The following PRKCA variants were observed in gnomAD, a reference collection of about 807,000 sequenced individuals.
The protein encoded by PRKCA is protein kinase C alpha type.
Under a neutral mutation model 87.0 loss-of-function variants are expected in PRKCA, and 27 were observed. That is an observed-to-expected ratio of 0.31 (90% CI 0.23 to 0.43). The LOEUF (loss-of-function observed/expected upper bound fraction) is 0.43, where lower values mean the gene tolerates loss of function less well. PRKCA is among the 20% of genes least tolerant of loss of function. PRKCA has a pLI of 1.00. For missense variants in PRKCA, 518 were observed against 852.3 expected (o/e 0.61, Z 4.88); for synonymous variants, 329 against 311.1 (o/e 1.06, Z -0.61).
chr17:66,370,785 A>T (rs2143533388), intron 2 of PRKCA, among the ~76,000 whole-genome samples: 1 of 152,092 alleles, frequency 6.6e-6, no homozygotes. Flanking sequence ...CCTGGACTCA[A>T]GCGATCCACC....
rs867890925 is a variant in PRKCA at position 66,788,905 on chromosome 17, C to T, written c.1780C>T (p.His594Tyr). ...GPEGERDVREHAFFRRIDWEK... is the reference protein window; with the variant it reads ...GPEGERDVREYAFFRRIDWEK... The stretch of plus-strand genomic sequence containing the variant: ...TGAGGGGGAGAGGGACGTGAGAGAG[C>T]ATGCCTTCTTCCGGAGGATCGACTG... Residue 594 changes from histidine (H) to tyrosine (Y), a missense_variant, in exon 16 of 17, where the codon CAT (histidine) becomes TAT (tyrosine). Around this residue, in one of 5 missense-constraint regions of PRKCA, gnomAD observed 159 missense variants for 232.4 expected, o/e 0.68. Transcript: ENST00000413366. 6.2e-7 allele frequency: 1 copy of T among 1,614,100 alleles called. No individual in the cohort carries two copies. The highest frequency in any genetic ancestry group is 8.5e-7 in the Non-Finnish European group (1 of 1,179,988).
At chr17:66,470,293 C>G in intron 2 of PRKCA, among the ~76,000 whole-genome samples, 1 of 143,988 alleles carries the variant, frequency 6.9e-6, no homozygotes, top group South Asian at 2.4e-4. Context: ...GCCACCCCCC[C>G]TCCCCAACCC....
At position 66,735,531 on chromosome 17, in the gene PRKCA, A is replaced by G. The variant is rs1974003651; in HGVS notation, c.1099A>G (p.Ile367Val). Reference protein sequence around the residue: ...DRKGTEELYAIKILKKDVVIQ... With the variant: ...DRKGTEELYAVKILKKDVVIQ... ...GAAGGGCACAGAAGAACTGTATGCA[A>G]TCAAAATCCTGAAGAAGGATGTGGT... Residue 367 changes from isoleucine (I) to valine (V), a missense_variant, in exon 10 of 17, where the codon ATC becomes GTC. Physicochemically the swap from Ile to Val is conservative, Grantham distance 29 (BLOSUM62 3). This residue lies in a region of PRKCA where 300 missense variants were observed against 496.8 expected (regional missense o/e 0.60). Transcript: ENST00000413366. The G allele has an allele frequency of 1.2e-6, 2 of 1,614,166 alleles. No homozygotes were observed. The highest frequency in any genetic ancestry group is 1.7e-6 in the Non-Finnish European group (2 of 1,180,036).
chr17:66,742,772 A>C lies in PRKCA; in HGVS notation c.1524+12A>C. On this transcript the variant is annotated intron_variant, in intron 13 of 16. Coordinates refer to ENST00000413366, the MANE Select transcript of PRKCA (RefSeq NM_002737.3). Reference sequence around the variant, plus strand: ...ATATCGCCCCAGAGGTAGGAACCCCAGTGATCGTTTTCTCAACCAGGACTC... The same window carrying C: ...ATATCGCCCCAGAGGTAGGAACCCCCGTGATCGTTTTCTCAACCAGGACTC... The C allele has an allele frequency of 6.2e-7, 1 of 1,612,188 alleles. No individual in the cohort carries two copies. Among genetic ancestry groups the C allele is most frequent in the Non-Finnish European group, 8.5e-7 (1 of 1,179,632 alleles).
chr17:66,485,309 A>G (rs1915947389), intron 2 of PRKCA, among the ~76,000 whole-genome samples: 1 of 152,210 alleles, frequency 6.6e-6, no homozygotes, highest in African/African-American at 2.4e-5. Context: ...GACAAAAGAA[A>G]TAAAAAGATC....
At chr17:66,632,607 T>C (rs957179541) in intron 3 of PRKCA, among the ~76,000 whole-genome samples, 2 of 152,160 alleles carry the variant, frequency 1.3e-5, no homozygotes, top group East Asian at 1.9e-4. Context: ...CTTGAACTCC[T>C]GAGCTCAAAC....
chr17:66,610,930 C>T (rs570346628), intron 3 of PRKCA, among the ~76,000 whole-genome samples: 30 of 152,156 alleles, frequency 2.0e-4, no homozygotes, highest in African/African-American at 5.3e-4. Flanking sequence ...ATACTAGAAA[C>T]GAGAGTACAA....
chr17:66,536,620 A>T (rs1314960746), intron 3 of PRKCA, among the ~76,000 whole-genome samples: 2 of 152,008 alleles, frequency 1.3e-5, no homozygotes, highest in African/African-American at 2.4e-5. Flanking sequence ...AGAAGGGGGG[A>T]TGCTGCTGTT....
In PRKCA at chr17:66,743,096, C is replaced by T. The variant is rs984373986; in HGVS notation, c.1524+336C>T. On this transcript the variant is annotated intron_variant, in intron 13 of 16. Coordinates refer to ENST00000413366, the MANE Select transcript of PRKCA (RefSeq NM_002737.3). The stretch of plus-strand genomic sequence containing the variant: ...CTGTAATCCCAGCACTTTGGGAGCC[C>T]GAGGTGGGTGGATCATAAGGTCAGG... Among the ~76,000 whole-genome samples, 7 of 152,124 alleles carry T rather than the reference C, an allele frequency of 4.6e-5. No individual in the cohort carries two copies. In the East Asian group the frequency reaches 1.3e-3, roughly 29 times the overall value.
intron 16 of PRKCA, among the ~76,000 whole-genome samples, chr17:66,796,012 T>C (rs1362003248): frequency 6.6e-6 from 1 of 152,208 alleles, no homozygotes; most frequent in Non-Finnish European, 1.5e-5. Context: ...GCTGCAGTGC[T>C]GTAGGTGAGC....
chr17:66,613,729 G>C (rs1209102033), intron 3 of PRKCA, among the ~76,000 whole-genome samples: 1 of 148,702 alleles, frequency 6.7e-6, no homozygotes, highest in African/African-American at 2.5e-5. Context: ...TTCTTGTAAG[G>C]ACACCAGTCA....
intron 2 of PRKCA, among the ~76,000 whole-genome samples, chr17:66,364,684 T>C (rs1219278588): frequency 2.0e-5 from 3 of 152,166 alleles, no homozygotes; most frequent in South Asian, 2.1e-4. Flanking sequence ...TGATGCAGTA[T>C]GGTTTTCGCC....
intron 14 of PRKCA, chr17:66,775,103 C>T: frequency 1.0e-6 from 1 of 985,448 alleles, no homozygotes; most frequent in South Asian, 4.7e-5. Context: ...GTGGAGAAAT[C>T]TGAGACCCTA....
chr17:66,456,784 C>T (rs1395206257), intron 2 of PRKCA, among the ~76,000 whole-genome samples: 1 of 152,210 alleles, frequency 6.6e-6, no homozygotes, highest in Non-Finnish European at 1.5e-5. Flanking sequence ...CCCTGGGCCA[C>T]ACCATATTTC....
intron 5 of PRKCA, among the ~76,000 whole-genome samples, chr17:66,667,068 A>G (rs1010674375): frequency 2.0e-5 from 3 of 152,202 alleles, no homozygotes; most frequent in Non-Finnish European, 1.5e-5. Context: ...AAAACTCACT[A>G]AAGATTGCCC....
chr17:66,389,652 G>A (rs562010128), intron 2 of PRKCA, among the ~76,000 whole-genome samples: 3 of 152,290 alleles, frequency 2.0e-5, no homozygotes, highest in Non-Finnish European at 2.9e-5. Context: ...CATGCCCATC[G>A]TGCTCTGTGG....
At chr17:66,794,174 A>T (rs1975609053) in intron 16 of PRKCA, among the ~76,000 whole-genome samples, 1 of 152,242 alleles carries the variant, frequency 6.6e-6, no homozygotes, top group South Asian at 2.1e-4. Context: ...GGCAGAGCAC[A>T]TTGGAAATAG....
At chr17:66,445,892 C>A (rs1464252457) in intron 2 of PRKCA, among the ~76,000 whole-genome samples, 1 of 151,978 alleles carries the variant, frequency 6.6e-6, no homozygotes, top group Non-Finnish European at 1.5e-5. Context: ...TGGCTCACTG[C>A]AACCTCTGCC....
chr17:66,483,456 A>ATTTTG (rs1555609886), intron 2 of PRKCA, among the ~76,000 whole-genome samples: 2 of 150,122 alleles, frequency 1.3e-5, no homozygotes, highest in Non-Finnish European at 3.0e-5. Context: ...CTTTATTTTT[A>ATTTTG]TTTTATTTTA....
Sources: gnomAD v4.1 joint callset for allele counts (sites outside exome capture counted in the v4.1 genomes callset) on GRCh38, gnomAD v4.1.1 for gene constraint, gnomAD v4.1.1 regional missense constraint, MANE v1.5 for transcripts, NCBI Gene and HGNC (gene_info 2026-07-23, HGNC 2026-07-21) for gene names.